The following NOL10 variants were observed in gnomAD, a reference collection of about 807,000 sequenced individuals.
The protein encoded by NOL10 is H_NH0074G24.1.
In NOL10, 58 loss-of-function variants were observed where a neutral mutation model predicts 103.5. The observed-to-expected ratio is 0.56, with a 90% confidence interval of 0.45 to 0.70. The LOEUF (loss-of-function observed/expected upper bound fraction) is 0.70. Ranked by LOEUF, NOL10 falls within the 30% of genes least tolerant of loss-of-function variation. The pLI, the probability that NOL10 is intolerant of heterozygous loss-of-function variation, is 0.00. For synonymous variants in NOL10, 287 were observed against 282.5 expected, an observed-to-expected ratio of 1.02 and a Z score of -0.16; for missense variants, 763 against 807.3, an observed-to-expected ratio of 0.95 and a Z score of 0.67.
At chr2:10,651,173 G>C (rs954876028) in intron 12 of NOL10, among the ~76,000 whole-genome samples, 1 of 152,084 alleles carries the variant, frequency 6.6e-6, no homozygotes, top group African/African-American at 2.4e-5. Flanking sequence ...AGCCTGCGGG[G>C]GCCAACAGAT....
intron 13 of NOL10, among the ~76,000 whole-genome samples, chr2:10,626,206 T>A (rs1337961141): frequency 6.6e-6 from 1 of 151,892 alleles, no homozygotes; most frequent in East Asian, 1.9e-4. Context: ...ATAAAACAAA[T>A]TTTAAAAGGG....
chr2:10,667,355 AC>A, intron 7 of NOL10, 77 bp from the exon 8 acceptor site: 1 of 1,030,546 alleles, frequency 9.7e-7, no homozygotes, highest in East Asian at 2.6e-5. Context: ...AAATAAATAA[AC>A]AGTCAACCCA....
intron 3 of NOL10, 111 bp downstream of exon 3, chr2:10,681,859 GT>G (rs2148363647): frequency 2.3e-6 from 1 of 425,808 alleles, no homozygotes; most frequent in Non-Finnish European, 4.1e-6. Context: ...ATATTTCTGT[GT>G]GTTTGAAATT....
At chr2:10,622,855 C>G (rs1418543418) in intron 13 of NOL10, among the ~76,000 whole-genome samples, 1 of 152,078 alleles carries the variant, frequency 6.6e-6, no homozygotes, top group Non-Finnish European at 1.5e-5. Context: ...TATGAAGAGT[C>G]AGAATTAAGA....
intron 13 of NOL10, among the ~76,000 whole-genome samples, chr2:10,631,302 C>T (rs944413597): frequency 3.9e-5 from 6 of 152,156 alleles, no homozygotes; most frequent in Non-Finnish European, 5.9e-5. Context: ...TAGGGAATGA[C>T]GTGTACAGCA....
At chr2:10,625,754 G>A (rs1450619077) in intron 13 of NOL10, among the ~76,000 whole-genome samples, 1 of 152,158 alleles carries the variant, frequency 6.6e-6, no homozygotes, top group Admixed American at 6.5e-5. Flanking sequence ...AAAAGCTGAT[G>A]ACATGGGAGC....
At chr2:10,686,916 C>T (rs533988809) in intron 1 of NOL10, among the ~76,000 whole-genome samples, 24 of 152,170 alleles carry the variant, frequency 1.6e-4, no homozygotes, top group African/African-American at 4.3e-4. Context: ...GACATCCAAG[C>T]GGGGATGTCA....
intron 13 of NOL10, among the ~76,000 whole-genome samples, chr2:10,628,778 AAAC>A (rs1677647340): frequency 6.6e-6 from 1 of 152,168 alleles, no homozygotes; most frequent in Admixed American, 6.5e-5. Context: ...CAGTATTAGG[AAAC>A]AACACATTTA....
chr2:10,668,717 T>C lies in NOL10; in HGVS notation c.471A>G (p.Glu157=), dbSNP rs112241087. 6.7e-7 allele frequency: 1 copy of C among 1,489,594 alleles called. No homozygotes were observed. The highest frequency in any genetic ancestry group is 1.4e-5 in the African/African-American group (1 of 72,942). 92.3% of individuals were successfully genotyped at this position (1,489,594 alleles called of 1,614,324 possible). ...CDLYFVGASS[E]VYRLNLEQGR... is the part of the protein sequence containing the mutation. ...CTTGTTCTAAGTTTAACCTATAAAC[T>C]TCAGAACTGTAAAGTAATAAAGAAA... The change falls in exon 7 of 21, where the codon GAA becomes GAG. Residue 157 remains glutamate, a synonymous_variant. Coordinates refer to ENST00000381685, the MANE Select transcript of NOL10 (RefSeq NM_024894.4).
chr2:10,686,973 T>C (rs1459636436), intron 1 of NOL10, among the ~76,000 whole-genome samples: 1 of 152,190 alleles, frequency 6.6e-6, no homozygotes, highest in Non-Finnish European at 1.5e-5. Context: ...AGGTAAGGGC[T>C]AGAAACATCA....
At chr2:10,650,764 T>C (rs2148296445) in intron 12 of NOL10, among the ~76,000 whole-genome samples, 1 of 152,042 alleles carries the variant, frequency 6.6e-6, no homozygotes, top group East Asian at 1.9e-4. Flanking sequence ...TCTGAAAAAA[T>C]AAATAAATAC....
intron 13 of NOL10, among the ~76,000 whole-genome samples, chr2:10,617,893 A>G (rs1676913661): frequency 6.6e-6 from 1 of 152,232 alleles, no homozygotes; most frequent in Non-Finnish European, 1.5e-5. Flanking sequence ...GCAAATGCAT[A>G]GACAGAAAGT....
intron 13 of NOL10, among the ~76,000 whole-genome samples, chr2:10,632,599 T>C (rs1677920918): frequency 6.6e-6 from 1 of 152,216 alleles, no homozygotes; most frequent in Non-Finnish European, 1.5e-5. Flanking sequence ...GAATTATGTC[T>C]GGTGGACAGT....
chr2:10,650,586 T>A (rs1679394139), intron 12 of NOL10, among the ~76,000 whole-genome samples: 1 of 152,156 alleles, frequency 6.6e-6, no homozygotes, highest in Non-Finnish European at 1.5e-5. Flanking sequence ...ACAAATCATT[T>A]AAATTTTTAT....
At chr2:10,614,073 C>T (rs769244200) in intron 13 of NOL10, among the ~76,000 whole-genome samples, 9 of 151,784 alleles carry the variant, frequency 5.9e-5, no homozygotes, top group Non-Finnish European at 1.3e-4. Context: ...GATTCTCCTG[C>T]CTCAGACTCC....
intron 17 of NOL10, among the ~76,000 whole-genome samples, chr2:10,596,626 T>C (rs577008555): frequency 3.3e-5 from 5 of 152,248 alleles, no homozygotes; most frequent in African/African-American, 1.2e-4. Context: ...TAAATACAGA[T>C]GAAGCTTGAG....
At chr2:10,677,733 A>C (rs950402990) in intron 3 of NOL10, among the ~76,000 whole-genome samples, 1 of 152,140 alleles carries the variant, frequency 6.6e-6, no homozygotes, top group Non-Finnish European at 1.5e-5. Flanking sequence ...TCAGCCTCCC[A>C]AAGTGCTGGA....
intron 13 of NOL10, among the ~76,000 whole-genome samples, chr2:10,615,138 T>C (rs1327853012): frequency 6.6e-6 from 1 of 152,256 alleles, no homozygotes; most frequent in Non-Finnish European, 1.5e-5. Context: ...CAAGTTTACA[T>C]GCATTTGTGT....
At chr2:10,605,757 A>G (rs1676221315) in intron 14 of NOL10, among the ~76,000 whole-genome samples, 1 of 152,210 alleles carries the variant, frequency 6.6e-6, no homozygotes, top group Non-Finnish European at 1.5e-5. Flanking sequence ...CGTTGGAGAC[A>G]CTTAAGAAGG....
Sources: allele counts gnomAD v4.1 joint callset (sites outside exome capture counted in the v4.1 genomes callset), GRCh38; gene constraint gnomAD v4.1.1; transcripts MANE v1.5; gene names NCBI Gene and HGNC (gene_info 2026-07-23, HGNC 2026-07-21).